Variants in GSTA4 observed in about 807,000 individuals in gnomAD.
GSTA4 encodes the protein glutathione S-transferase alpha 4.
GSTA4 carries 15 observed loss-of-function variants against 24.4 expected under a neutral mutation model. That is an observed-to-expected ratio of 0.61 (90% confidence interval 0.41 to 0.95). The LOEUF (loss-of-function observed/expected upper bound fraction) is 0.95, where lower values mean the gene tolerates loss of function less well. GSTA4 is among the 40% of genes least tolerant of loss of function. The pLI, the probability that GSTA4 is intolerant of heterozygous loss-of-function variation, is 0.00. For synonymous variants in GSTA4, 92 were observed against 94.2 expected, an observed-to-expected ratio of 0.98 and a Z score of 0.13; for missense variants, 244 against 262.1, an observed-to-expected ratio of 0.93 and a Z score of 0.48.
intron 3 of GSTA4, 66 bp downstream of exon 3, chr6:52,987,291 C>G: frequency 1.0e-6 from 1 of 989,352 alleles, no homozygotes. Context: ...TTTTGCCCTT[C>G]CACATAAACA....
intron 2 of GSTA4, among the ~76,000 whole-genome samples, chr6:52,988,518 C>G (rs995756725): frequency 6.6e-6 from 1 of 150,692 alleles, no homozygotes; most frequent in African/African-American, 2.4e-5. Context: ...TAAAACAACA[C>G]CAAAAATATT....
rs1763721776 is a variant in GSTA4, at chr6:52,994,276, C to G, written c.-18-15G>C. The G allele has an allele frequency of 3.5e-6, 5 of 1,427,050 alleles. No homozygotes were observed. The highest frequency in any genetic ancestry group is 1.4e-5 in the African/African-American group (1 of 71,282). The allele number at this position is 1,427,050 out of a possible 1,614,324, so 88.4% of individuals were successfully genotyped here. On this transcript the variant is annotated splice_polypyrimidine_tract_variant and intron_variant, in intron 1 of 6. Coordinates refer to ENST00000370963, the MANE Select transcript of GSTA4 (RefSeq NM_001512.4). Reference sequence around the variant, plus strand: ...TTTCAGGCTTTCTGAAATACAAATGCAGCAGCTCGTCGCAGACCAACAGTC... The same window carrying G: ...TTTCAGGCTTTCTGAAATACAAATGGAGCAGCTCGTCGCAGACCAACAGTC...
chr6:52,985,424 G>A (rs1763531964), intron 4 of GSTA4, 27 bp downstream of exon 4: 2 of 1,606,474 alleles, frequency 1.2e-6, no homozygotes, highest in South Asian at 1.1e-5. Context: ...GCTGACAAGT[G>A]ACAACACTCG....
intron 6 of GSTA4, among the ~76,000 whole-genome samples, chr6:52,979,491 C>T (rs1264116601): frequency 1.3e-5 from 2 of 152,176 alleles, no homozygotes; most frequent in Non-Finnish European, 2.9e-5. Flanking sequence ...GGAAGAAAAA[C>T]ATTGTATTTT....
intron 6 of GSTA4, among the ~76,000 whole-genome samples, chr6:52,980,311 G>GTGT (rs1554164222): frequency 5.6e-4 from 82 of 147,308 alleles, no homozygotes; most frequent in Middle Eastern, 3.6e-3. Context: ...ATTTCACTTT[G>GTGT]TTTTTTTTTT....
At position 52,984,707 on chromosome 6, in the gene GSTA4, C is replaced by G. The variant is rs1581910675; in HGVS notation, c.273-102G>C. On this transcript the variant is annotated intron_variant, in intron 4 of 6. Transcript: ENST00000370963. ...GCTTTTTTTTTTTTTTTTAAAGATG[C>G]TGCAACTTAAGTCCCTAGAAGCATT... is the stretch of plus-strand genomic sequence containing the variant. 5 of 957,212 alleles carry G rather than the reference C, an allele frequency of 5.2e-6. No individual in the cohort carries two copies. The East Asian group carries it at 1.3e-4, about 24-fold the overall frequency. 59.3% of individuals were successfully genotyped at this position (957,212 alleles called of 1,614,324 possible). A position where few individuals can be genotyped will look rare whatever the true frequency, so the allele number is the denominator to read the frequency against.
At chr6:52,986,574 A>T (rs1325422981) in intron 3 of GSTA4, among the ~76,000 whole-genome samples, 1 of 152,190 alleles carries the variant, frequency 6.6e-6, no homozygotes, top group Admixed American at 6.5e-5. Flanking sequence ...CTTTCCACAT[A>T]CCAAACCCTG....
At position 52,984,177 on chromosome 6, in the gene GSTA4, C is replaced by T. The variant is rs150392643; in HGVS notation, c.414+287G>A. 2.6e-3 allele frequency among the ~76,000 whole-genome samples: 401 copies of T among 152,300 alleles called. 1 individual carries two copies. Among genetic ancestry groups the T allele is most frequent in the Non-Finnish European group, 4.3e-3 (295 of 68,024 alleles). On this transcript the variant is annotated intron_variant, in intron 5 of 6. Transcript: ENST00000370963. ...GTATCTTCTGAAGTTTCTGCTGTAT[C>T]CACACAAGGTGGGAACTTGGTGAAT... is the stretch of plus-strand genomic sequence containing the variant.
At position 52,980,259 on chromosome 6, in the gene GSTA4, CTA is replaced by C. The variant is rs1255003356; in HGVS notation, c.547-1669_547-1668del. On this transcript the variant is annotated intron_variant, in intron 6 of 6. Transcript: ENST00000370963. ...ACTTTACTGCCTGTGAGGTGTGTGT[CTA>C]TGTGTACACAAGCATGTATATATAT... Among the ~76,000 whole-genome samples, 9 of 151,262 alleles carry C rather than the reference CTA, an allele frequency of 5.9e-5. No individual in the cohort carries two copies. The East Asian group carries it at 1.7e-3, about 29-fold the overall frequency.
intron 5 of GSTA4, 148 bp from the exon 6 acceptor site, chr6:52,982,853 C>A: frequency 1.6e-6 from 1 of 638,976 alleles, no homozygotes; most frequent in African/African-American, 1.9e-5. Flanking sequence ...AGAACGCACC[C>A]TATATCTGAC....
chr6:52,993,713 A>G (rs1335669778), intron 2 of GSTA4, among the ~76,000 whole-genome samples: 1 of 152,192 alleles, frequency 6.6e-6, no homozygotes, highest in Non-Finnish European at 1.5e-5. Flanking sequence ...ATTTATTGGT[A>G]TTTGAAAATT....
At chr6:52,993,316 C>T (rs1763700124) in intron 2 of GSTA4, among the ~76,000 whole-genome samples, 1 of 152,090 alleles carries the variant, frequency 6.6e-6, no homozygotes. Context: ...GAAGAGGAAA[C>T]TTACAGGTTT....
intron 6 of GSTA4, among the ~76,000 whole-genome samples, 166 bp from the exon 7 acceptor site, chr6:52,978,758 T>C (rs1281132063): frequency 6.6e-6 from 1 of 152,116 alleles, no homozygotes; most frequent in Non-Finnish European, 1.5e-5. Flanking sequence ...GTCCAATCTT[T>C]TGGCTTCACT....
At chr6:52,994,405 A>AAC in intron 1 of GSTA4, 144 bp from the exon 2 acceptor site, 1 of 545,702 alleles carries the variant, frequency 1.8e-6, no homozygotes. Context: ...TCCCTCACTC[A>AAC]AGAAAAAAAA....
In GSTA4 at chr6:52,987,378, GT is replaced by G; in HGVS notation, c.117del (p.Glu39AspfsTer25). On this transcript the variant is annotated frameshift_variant, in exon 3 of 7. Coordinates refer to ENST00000370963, the MANE Select transcript of GSTA4 (RefSeq NM_001512.4). LOFTEE classifies it high-confidence loss of function. ...EFDEEFLETK[E>X]QLYKLQDGNH... ...TCACCATCCTGCAACTTGTACAACTGTTCTTTTGTTTCCAGAAATTCTTCAT... is the reference window on the plus strand; with the variant it reads ...TCACCATCCTGCAACTTGTACAACTGTCTTTTGTTTCCAGAAATTCTTCAT... 1 of 1,588,756 alleles carries G rather than the reference GT, an allele frequency of 6.3e-7. No individual in the cohort carries two copies. Among genetic ancestry groups the G allele is most frequent in the Non-Finnish European group, 8.6e-7 (1 of 1,158,446 alleles).
chr6:52,990,303 A>G (rs867945759), intron 2 of GSTA4, among the ~76,000 whole-genome samples: 21 of 152,284 alleles, frequency 1.4e-4, no homozygotes, highest in Middle Eastern at 3.4e-3. Flanking sequence ...TTTAGGTTCA[A>G]CCCAATCGTG....
intron 5 of GSTA4, among the ~76,000 whole-genome samples, chr6:52,983,231 A>T (rs923640153): frequency 2.0e-5 from 3 of 152,236 alleles, no homozygotes; most frequent in African/African-American, 7.2e-5. Flanking sequence ...ACTTCCTCTT[A>T]CATGTCCCAA....
At chr6:52,988,755 G>A (rs2127386860) in intron 2 of GSTA4, among the ~76,000 whole-genome samples, 1 of 152,238 alleles carries the variant, frequency 6.6e-6, no homozygotes, top group East Asian at 1.9e-4. Context: ...ACATTTGGGG[G>A]AAAACGGAAA....
intron 2 of GSTA4, 50 bp downstream of exon 2, chr6:52,994,107 G>T: frequency 8.3e-7 from 1 of 1,201,774 alleles, no homozygotes; most frequent in Non-Finnish European, 1.2e-6. Flanking sequence ...TTCTTTCAAA[G>T]GTCTCAAAAG....
Sources: allele counts gnomAD v4.1 joint callset (sites outside exome capture counted in the v4.1 genomes callset), GRCh38; gene constraint gnomAD v4.1.1; transcripts MANE v1.5; gene names NCBI Gene and HGNC (gene_info 2026-07-23, HGNC 2026-07-21).